DNAH14: variants seen among roughly 807,000 people sequenced by gnomAD.
The protein encoded by DNAH14 is dynein axonemal heavy chain 14, also known as axonemal beta dynein heavy chain 14.
In DNAH14, 478 loss-of-function variants were observed where a neutral mutation model predicts 520.9. The ratio of observed to expected loss-of-function variants is 0.92; its 90% confidence interval spans 0.85 to 0.99. The LOEUF (loss-of-function observed/expected upper bound fraction) is 0.99. Among genes scored for constraint, DNAH14 ranks in the 50% least tolerant of loss-of-function variants. The pLI is 0.00. For missense variants in DNAH14, 4,831 were observed against 5,234.5 expected, an observed-to-expected ratio of 0.92 and a Z score of 2.38; for synonymous variants, 1,581 against 1,757.2, an observed-to-expected ratio of 0.90 and a Z score of 2.51.
chr1:225,022,743 T>A (rs923287627), intron 10 of DNAH14, among the ~76,000 whole-genome samples: 4 of 152,204 alleles, frequency 2.6e-5, no homozygotes, highest in African/African-American at 9.6e-5. Context: ...CTCTACTGGA[T>A]ATATACCCAA....
intron 64 of DNAH14, among the ~76,000 whole-genome samples, chr1:225,328,558 A>G (rs988059656): frequency 2.6e-5 from 4 of 152,148 alleles, no homozygotes; most frequent in African/African-American, 7.2e-5. Flanking sequence ...ACTCAGCTAC[A>G]TACTTCCTTC....
intron 3 of DNAH14, among the ~76,000 whole-genome samples, chr1:224,955,936 T>G (rs914293174): frequency 5.9e-5 from 9 of 152,214 alleles, no homozygotes; most frequent in African/African-American, 2.2e-4. Flanking sequence ...TTCCTCAACC[T>G]GGATTCTACC....
At chr1:225,344,441 C>T (rs1052774505) in intron 69 of DNAH14, among the ~76,000 whole-genome samples, 2 of 152,126 alleles carry the variant, frequency 1.3e-5, no homozygotes, top group Admixed American at 1.3e-4. Flanking sequence ...CATGTGTTCT[C>T]ATCATTTAGT....
chr1:224,979,839 A>T (rs2062135296), intron 8 of DNAH14, among the ~76,000 whole-genome samples: 1 of 152,160 alleles, frequency 6.6e-6, no homozygotes, highest in South Asian at 2.1e-4. Context: ...CAGAGTCATG[A>T]GGTCTCCATT....
At chr1:225,328,763 C>T (rs1033936294) in intron 64 of DNAH14, among the ~76,000 whole-genome samples, 1 of 151,970 alleles carries the variant, frequency 6.6e-6, no homozygotes, top group Non-Finnish European at 1.5e-5. Context: ...TCAATAGGCC[C>T]CATGCGTTAA....
chr1:225,397,417 G>A (rs1179323868), intron 84 of DNAH14: 1 of 152,644 alleles, frequency 6.6e-6, no homozygotes, highest in Non-Finnish European at 1.5e-5. Flanking sequence ...TGCCTCCCCT[G>A]TGTCAACAAG....
chr1:225,135,696 A>T (rs57047458), intron 27 of DNAH14, among the ~76,000 whole-genome samples: 6,523 of 152,160 alleles, frequency 0.043, 403 homozygotes, highest in African/African-American at 0.14. Context: ...AGTCAAGTTC[A>T]GGTTCTAAAT....
At chr1:225,179,160 C>G (rs2083678495) in intron 36 of DNAH14, among the ~76,000 whole-genome samples, 1 of 151,730 alleles carries the variant, frequency 6.6e-6, no homozygotes, top group Non-Finnish European at 1.5e-5. Context: ...GTCAATCTCT[C>G]CCTTTAGATC....
chr1:225,077,076 T>A (rs1467011378), intron 17 of DNAH14, among the ~76,000 whole-genome samples: 1 of 152,198 alleles, frequency 6.6e-6, no homozygotes, highest in East Asian at 1.9e-4. Flanking sequence ...TAGGTGGGAA[T>A]TGAACAATAA....
chr1:225,058,917 C>A (rs2069563678), intron 17 of DNAH14, among the ~76,000 whole-genome samples: 1 of 152,054 alleles, frequency 6.6e-6, no homozygotes, highest in Admixed American at 6.6e-5. Context: ...AATTTTTATT[C>A]TTTTACATTT....
chr1:225,149,557 T>C (rs2080285097), intron 31 of DNAH14, among the ~76,000 whole-genome samples: 1 of 152,196 alleles, frequency 6.6e-6, no homozygotes. Flanking sequence ...ATTCTTCCTA[T>C]CCATAAGAAT....
chr1:225,198,963 G>A (rs1026902421), intron 38 of DNAH14, among the ~76,000 whole-genome samples: 2 of 152,094 alleles, frequency 1.3e-5, no homozygotes, highest in African/African-American at 4.8e-5. Context: ...CCACGAATCT[G>A]TCTAGTCCTG....
intron 53 of DNAH14, 74 bp from the exon 54 acceptor site, chr1:225,277,336 G>T: frequency 7.3e-6 from 3 of 413,188 alleles, no homozygotes; most frequent in South Asian, 1.8e-5. Context: ...TAAGTAAATT[G>T]TATGTAAAAC....
At chr1:224,996,696 A>G (rs1224214634) in intron 8 of DNAH14, among the ~76,000 whole-genome samples, 2 of 152,106 alleles carry the variant, frequency 1.3e-5, no homozygotes, top group Non-Finnish European at 2.9e-5. Flanking sequence ...ATTGTCTTTT[A>G]TCTGGCTGAG....
intron 17 of DNAH14, among the ~76,000 whole-genome samples, chr1:225,078,859 C>CCTCTCT (rs752732306): frequency 1.1e-4 from 2 of 18,992 alleles, no homozygotes; most frequent in African/African-American, 1.5e-4. Context: ...TCTCTCTCTC[C>CCTCTCT]CTCTCTCTCT....
intron 7 of DNAH14, chr1:224,969,457 G>A (rs1287971384): frequency 6.2e-6 from 1 of 161,422 alleles, no homozygotes; most frequent in African/African-American, 2.4e-5. Flanking sequence ...GATATATACT[G>A]TATTCTTACA....
At chr1:225,152,965 G>C (rs1344039252) in intron 33 of DNAH14, 82 bp downstream of exon 33, 1 of 1,363,220 alleles carries the variant, frequency 7.3e-7, no homozygotes, top group Non-Finnish European at 1.0e-6. Flanking sequence ...ATTGGTCCAG[G>C]GATGACCTGG....
At chr1:225,000,446 A>C (rs1173615820) in intron 8 of DNAH14, among the ~76,000 whole-genome samples, 1 of 148,114 alleles carries the variant, frequency 6.8e-6, no homozygotes, top group Admixed American at 6.7e-5. Context: ...GGAATGTTTC[A>C]GCCATTATTT....
chr1:225,200,082 T>C (rs2086633520), intron 38 of DNAH14, among the ~76,000 whole-genome samples: 1 of 152,234 alleles, frequency 6.6e-6, no homozygotes, highest in African/African-American at 2.4e-5. Flanking sequence ...TATCATTATA[T>C]AATGTCTCTC....
Sources: allele counts gnomAD v4.1 joint callset (sites outside exome capture counted in the v4.1 genomes callset), GRCh38; gene constraint gnomAD v4.1.1; transcripts MANE v1.5; gene names NCBI Gene and HGNC (gene_info 2026-07-23, HGNC 2026-07-21).